The following SAMHD1 variants were observed in gnomAD, a reference collection of about 807,000 sequenced individuals.
SAMHD1 encodes SAM and HD domain containing deoxynucleoside triphosphate triphosphohydrolase 1, also known as deoxynucleoside triphosphate triphosphohydrolase SAMHD1.
Under a neutral mutation model 79.6 loss-of-function variants are expected in SAMHD1, and 54 were observed. That is an observed-to-expected ratio of 0.68 (90% CI 0.55 to 0.85). SAMHD1 has a LOEUF of 0.85. SAMHD1 is among the 40% of genes least tolerant of loss of function. The pLI is 0.00. For synonymous variants in SAMHD1, 260 were observed against 264.1 expected (o/e 0.98, Z 0.15); for missense variants, 663 against 782.7 (o/e 0.85, Z 1.82).
intron 1 of SAMHD1, among the ~76,000 whole-genome samples, chr20:36,949,519 G>A (rs986288706): frequency 1.3e-5 from 2 of 151,044 alleles, no homozygotes; most frequent in Non-Finnish European, 2.9e-5. Flanking sequence ...CACTTTGGGA[G>A]GCTGAGGCAG....
intron 2 of SAMHD1, chr20:36,946,445 G>T (rs940485324): frequency 1.3e-5 from 4 of 315,420 alleles, no homozygotes; most frequent in African/African-American, 8.8e-5. Flanking sequence ...AAATTAGTGG[G>T]GCATGGTGGT....
chr20:36,913,246 C>A (rs1033568270), intron 9 of SAMHD1, among the ~76,000 whole-genome samples: 1 of 151,116 alleles, frequency 6.6e-6, no homozygotes, highest in Non-Finnish European at 1.5e-5. Context: ...ATCTGCCCGC[C>A]TCGGCCTCCC....
intron 13 of SAMHD1, among the ~76,000 whole-genome samples, chr20:36,902,855 A>G (rs1037072664): frequency 6.6e-6 from 1 of 151,674 alleles, no homozygotes; most frequent in Non-Finnish European, 1.5e-5. Flanking sequence ...CTCCTGCCTC[A>G]GCTTCCCAAG....
chr20:36,902,647 T>C (rs1990326317), intron 13 of SAMHD1, among the ~76,000 whole-genome samples: 1 of 152,150 alleles, frequency 6.6e-6, no homozygotes, highest in South Asian at 2.1e-4. Flanking sequence ...TCATCTAGGT[T>C]GTTTGGCCTT....
rs192481743 is a variant in SAMHD1, at chr20:36,910,135, A to T, written c.1270+1083T>A. Among the ~76,000 whole-genome samples the T allele has an allele frequency of 8.2e-3, 1,237 of 151,524 alleles. 26 individuals are homozygous for T. Among genetic ancestry groups the T allele is most frequent in the African/African-American group, 0.029 (1,190 of 41,256 alleles). On this transcript the variant is annotated intron_variant, in intron 11 of 15. Coordinates refer to ENST00000646673, the MANE Select transcript of SAMHD1 (RefSeq NM_015474.4). ...CTACTCGGGAGGCTGAGGCAGGAGA[A>T]TGGTGTGAACCCGGGAGGCAGAGCT...
At chr20:36,947,623 A>G (rs2146153692) in intron 1 of SAMHD1, among the ~76,000 whole-genome samples, 1 of 149,942 alleles carries the variant, frequency 6.7e-6, no homozygotes, top group African/African-American at 2.4e-5. Flanking sequence ...TTTCTATACA[A>G]TTAATTCTAA....
At chr20:36,907,980 A>T (rs930499801) in intron 11 of SAMHD1, among the ~76,000 whole-genome samples, 4 of 151,862 alleles carry the variant, frequency 2.6e-5, no homozygotes, top group African/African-American at 9.7e-5. Context: ...GGTTCAATTG[A>T]TTCTCGTGCC....
intron 6 of SAMHD1, among the ~76,000 whole-genome samples, chr20:36,925,997 CTTTAT>C (rs1413895512): frequency 6.6e-6 from 1 of 152,092 alleles, no homozygotes; most frequent in African/African-American, 2.4e-5. Flanking sequence ...AAATGTATTT[CTTTAT>C]TTTATCTATT....
At chr20:36,901,817 ACAGCTGCATG>A (rs1279640045) in intron 13 of SAMHD1, among the ~76,000 whole-genome samples, 2 of 152,224 alleles carry the variant, frequency 1.3e-5, no homozygotes, top group African/African-American at 4.8e-5. Context: ...TAAGTGCTCA[ACAGCTGCATG>A]CAGCTAGTGA....
chr20:36,946,890 T>A (rs921790887), intron 1 of SAMHD1, 86 bp from the exon 2 acceptor site: 6 of 1,072,116 alleles, frequency 5.6e-6, no homozygotes, highest in South Asian at 2.7e-5. Context: ...TTTACCCAGA[T>A]CCACATAAGT....
In SAMHD1 at chr20:36,930,743, C is replaced by T. The variant is rs1055551477; in HGVS notation, c.625+17G>A. 5 of 1,549,740 alleles carry T rather than the reference C, an allele frequency of 3.2e-6. No individual in the cohort carries two copies. Among genetic ancestry groups the T allele is most frequent in the Non-Finnish European group, 4.5e-6 (5 of 1,121,672 alleles). ...TTATGATTTTACATAACAACTTTGTCTCTTTGTACAGCTTACCGAGATCAT... is the reference window on the plus strand; with the variant it reads ...TTATGATTTTACATAACAACTTTGTTTCTTTGTACAGCTTACCGAGATCAT... On this transcript the variant is annotated intron_variant, in intron 5 of 15. Coordinates refer to ENST00000646673, the MANE Select transcript of SAMHD1 (RefSeq NM_015474.4).
chr20:36,893,784 A>G, intron 15 of SAMHD1: 1 of 397,594 alleles, frequency 2.5e-6, no homozygotes, highest in Non-Finnish European at 4.4e-6. Flanking sequence ...CGTGCTCCTC[A>G]TCTGCTTATT....
At chr20:36,912,674 T>G (rs569090081) in intron 9 of SAMHD1, 122 bp from the exon 10 acceptor site, 2 of 718,570 alleles carry the variant, frequency 2.8e-6, no homozygotes, top group Admixed American at 2.0e-5. Context: ...GCACCGGGGC[T>G]TCTTCATTAA....
intron 1 of SAMHD1, 38 bp downstream of exon 1, chr20:36,951,398 C>T (rs751668597): frequency 5.0e-6 from 8 of 1,610,472 alleles, no homozygotes; most frequent in Non-Finnish European, 5.9e-6. Context: ...CGCCCCAGGT[C>T]GCCGCCCTTC....
Position 36,902,918 on chromosome 20 carries a change from T to C in SAMHD1, c.1503+1239A>G, listed in dbSNP as rs146203191. Among the ~76,000 whole-genome samples the C allele has an allele frequency of 6.2e-3, 943 of 152,078 alleles. 7 individuals carry two copies. The highest frequency in any genetic ancestry group is 0.012 in the South Asian group (59 of 4,814). On this transcript the variant is annotated intron_variant, in intron 13 of 15. Coordinates refer to ENST00000646673, the MANE Select transcript of SAMHD1 (RefSeq NM_015474.4). The stretch of plus-strand genomic sequence containing the variant: ...ACACCTGGCTGATTTTTTGTATTTT[T>C]AGTAGAGATGGGGTTTCGCCGTGTT...
chr20:36,903,414 AT>A (rs2063387023), intron 13 of SAMHD1, among the ~76,000 whole-genome samples: 2 of 142,774 alleles, frequency 1.4e-5, no homozygotes, highest in African/African-American at 2.6e-5. Context: ...TAATTTTTGT[AT>A]TTTTAGTAGT....
At chr20:36,908,797 T>C (rs1326330305) in intron 11 of SAMHD1, among the ~76,000 whole-genome samples, 2 of 152,100 alleles carry the variant, frequency 1.3e-5, no homozygotes, top group Non-Finnish European at 2.9e-5. Flanking sequence ...CCAGCTGTGG[T>C]AGAACGGCAG....
Position 36,916,793 on chromosome 20 carries a change from A to T in SAMHD1, c.991T>A (p.Tyr331Asn). 1.2e-6 allele frequency: 2 copies of T among 1,614,104 alleles called. No homozygotes were observed. The highest frequency in any genetic ancestry group is 1.3e-5 in the African/African-American group (1 of 75,050). ...CGGGCAAACTTAATAAAGCGCTTGT[A>T]ATCAAAATTATTTTGGATTCCAAGA... is the stretch of plus-strand genomic sequence containing the variant. ...HHLGIQNNFDYKRFIKFARVC... is the reference protein window; with the variant it reads ...HHLGIQNNFDNKRFIKFARVC... The change falls in exon 9 of 16, where the codon TAC becomes AAC. Residue 331 changes from tyrosine to asparagine, a missense_variant. Physicochemically the swap from Tyr to Asn is moderately radical, Grantham distance 143. Coordinates refer to ENST00000646673, the MANE Select transcript of SAMHD1 (RefSeq NM_015474.4).
intron 15 of SAMHD1, chr20:36,893,574 C>T: frequency 3.4e-6 from 1 of 292,948 alleles, no homozygotes; most frequent in East Asian, 6.1e-5. Flanking sequence ...AAAGAAGCTC[C>T]TCCACCCAAA....
Sources: gnomAD v4.1 joint callset for allele counts (sites outside exome capture counted in the v4.1 genomes callset) on GRCh38, gnomAD v4.1.1 for gene constraint, MANE v1.5 for transcripts, NCBI Gene and HGNC (gene_info 2026-07-23, HGNC 2026-07-21) for gene names.